The following PTPN13 variants were observed in gnomAD, a reference collection of about 807,000 sequenced individuals.
The protein encoded by PTPN13 is protein tyrosine phosphatase non-receptor type 13.
In PTPN13, 191 loss-of-function variants were observed where a neutral mutation model predicts 284.0. The ratio of observed to expected loss-of-function variants is 0.67; its 90% confidence interval spans 0.60 to 0.76. The LOEUF is 0.76. Among genes scored for constraint, PTPN13 ranks in the 30% least tolerant of loss-of-function variants. The probability of loss-of-function intolerance (pLI) is 0.00; values close to 1 mark genes in which losing one functional copy is unlikely to be tolerated. For synonymous variants in PTPN13, 986 were observed against 1,022.3 expected (o/e 0.96, Z 0.68); for missense variants, 2,797 against 2,939.9 (o/e 0.95, Z 1.12).
intron 10 of PTPN13, 26 bp from the exon 11 acceptor site, chr4:86,732,374 A>G (rs1170063264): frequency 2.0e-6 from 3 of 1,508,758 alleles, no homozygotes; most frequent in African/African-American, 2.8e-5. Context: ...AGTAAAAAAT[A>G]TTGATTCTGC....
intron 9 of PTPN13, among the ~76,000 whole-genome samples, chr4:86,720,890 A>G (rs183404259): frequency 2.6e-5 from 4 of 152,186 alleles, no homozygotes; most frequent in African/African-American, 9.6e-5. Flanking sequence ...ATTTTTTTAT[A>G]CTGAGCTATC....
chr4:86,679,168 A>T (rs996753358), intron 3 of PTPN13, among the ~76,000 whole-genome samples: 2 of 152,102 alleles, frequency 1.3e-5, no homozygotes, highest in African/African-American at 4.8e-5. Context: ...ACCTTTGTGC[A>T]TTCTCTTCTT....
At chr4:86,737,887 C>A (rs1307354953) in intron 15 of PTPN13, among the ~76,000 whole-genome samples, 1 of 152,076 alleles carries the variant, frequency 6.6e-6, no homozygotes, top group African/African-American at 2.4e-5. Context: ...TGCCACCACG[C>A]CTGGCTAATT....
rs1731696989 is a variant in PTPN13 at position 86,705,782 on chromosome 4, T to C, written c.1195+3981T>C. On this transcript the variant is annotated intron_variant, in intron 7 of 47. Coordinates refer to ENST00000411767, the MANE Select transcript of PTPN13 (RefSeq NM_080683.3). ...TTTTGGAGATTGTAGATTTTCATCA[T>C]GGATTTTCAGAATATCAGTCTAAGG... 2.0e-5 allele frequency among the ~76,000 whole-genome samples: 3 copies of C among 151,968 alleles called. No individual in the cohort carries two copies. The South Asian group carries it at 6.2e-4, about 32-fold the overall frequency.
At chr4:86,803,226 ATATT>A (rs1181127476) in intron 42 of PTPN13, among the ~76,000 whole-genome samples, 2 of 150,714 alleles carry the variant, frequency 1.3e-5, no homozygotes, top group African/African-American at 2.4e-5. Context: ...ATATACATAT[ATATT>A]TATTGTGTAT....
At chr4:86,717,553 CTT>C (rs1483865655) in intron 9 of PTPN13, among the ~76,000 whole-genome samples, 1 of 151,946 alleles carries the variant, frequency 6.6e-6, no homozygotes, top group Non-Finnish European at 1.5e-5. Context: ...CCCTAGCTCT[CTT>C]TGTTTTTATA....
At chr4:86,730,779 T>A (rs1021337572) in intron 10 of PTPN13, among the ~76,000 whole-genome samples, 2 of 151,570 alleles carry the variant, frequency 1.3e-5, no homozygotes, top group Non-Finnish European at 3.0e-5. Flanking sequence ...TGATGCCCCG[T>A]CCGGCTTCAG....
At chr4:86,612,163 A>T (rs941715266) in intron 1 of PTPN13, among the ~76,000 whole-genome samples, 36 of 152,332 alleles carry the variant, frequency 2.4e-4, no homozygotes, top group African/African-American at 6.7e-4. Context: ...AGCCTGAGCA[A>T]AACTCAAAAA....
At chr4:86,711,080 C>A (rs1009091447) in intron 7 of PTPN13, among the ~76,000 whole-genome samples, 3 of 128,404 alleles carry the variant, frequency 2.3e-5, no homozygotes, top group Non-Finnish European at 5.1e-5. Context: ...TGTGCCACCA[C>A]ACCTGGTTAA....
intron 3 of PTPN13, among the ~76,000 whole-genome samples, chr4:86,675,869 C>T (rs1295897331): frequency 2.0e-5 from 3 of 152,052 alleles, no homozygotes; most frequent in Non-Finnish European, 4.4e-5. Context: ...GAATCAAGTT[C>T]CTGTTGTGCT....
chr4:86,744,650 C>A (rs932174414), intron 16 of PTPN13, among the ~76,000 whole-genome samples: 1 of 152,140 alleles, frequency 6.6e-6, no homozygotes, highest in African/African-American at 2.4e-5. Context: ...ACTACACAAA[C>A]AATTGCCTAC....
intron 2 of PTPN13, among the ~76,000 whole-genome samples, chr4:86,664,428 TA>T (rs1440308628): frequency 6.6e-6 from 1 of 152,180 alleles, no homozygotes; most frequent in African/African-American, 2.4e-5. Flanking sequence ...CAGCAAAGTC[TA>T]AATTAGTAAG....
intron 6 of PTPN13, among the ~76,000 whole-genome samples, chr4:86,699,481 T>G (rs1242998108): frequency 1.3e-5 from 2 of 152,096 alleles, no homozygotes; most frequent in Admixed American, 6.6e-5. Context: ...CCTGGAGTTA[T>G]GACAACACCA....
Position 86,799,198 on chromosome 4 carries a change from G to A in PTPN13, c.6499G>A (p.Asp2167Asn), listed in dbSNP as rs1315321262. The change falls in exon 42 of 48, where the codon GAT (aspartate) becomes AAT (asparagine). Residue 2167 changes from aspartate to asparagine, a missense_variant. By Grantham distance (23) the Asp-to-Asn change is conservative. Transcript: ENST00000411767. ...AGAGAGAACAAACCATGAAGATTCT[G>A]ATAAAGGCAAGAATTTTAATGACAG... ...PIERTNHEDS[D>N]KDHSFLTNDE... The A allele has an allele frequency of 4.6e-6, 7 of 1,529,140 alleles. No individual in the cohort carries two copies. Among genetic ancestry groups the A allele is most frequent in the Non-Finnish European group, 6.2e-6 (7 of 1,137,924 alleles). The allele number at this position is 1,529,140 out of a possible 1,614,324, so 94.7% of individuals were successfully genotyped here.
chr4:86,800,340 TA>T (rs1310820942), intron 42 of PTPN13, among the ~76,000 whole-genome samples: 13 of 150,228 alleles, frequency 8.7e-5, no homozygotes, highest in Non-Finnish European at 1.6e-4. Flanking sequence ...AAGCAAAGTC[TA>T]TTTTTTTTTT....
chr4:86,680,395 A>G (rs558717955), intron 3 of PTPN13, among the ~76,000 whole-genome samples: 4 of 135,310 alleles, frequency 3.0e-5, no homozygotes, highest in Admixed American at 8.1e-5. Flanking sequence ...CTATCTATCT[A>G]TCTATCTCTA....
chr4:86,602,461 A>G (rs1010960911), intron 1 of PTPN13, among the ~76,000 whole-genome samples: 1 of 151,300 alleles, frequency 6.6e-6, no homozygotes, highest in Admixed American at 6.6e-5. Flanking sequence ...TATTTTTAGT[A>G]TACTTATATT....
chr4:86,772,788 C>A lies in PTPN13; in HGVS notation c.5179C>A (p.Pro1727Thr). Residue 1727 changes from proline (P) to threonine (T), a missense_variant, in exon 32 of 48, where the codon CCT (proline) becomes ACT (threonine). Transcript: ENST00000411767. The part of the protein sequence containing the change: ...KPEFEDSNPS[P>T]LPPDMAPGQS... ...TCTTTGTCTCTGTAGTAATCCTTCC[C>A]CTCTACCACCGGATATGGCTCCTGG... The A allele has an allele frequency of 8.1e-6, 13 of 1,602,462 alleles. No homozygotes were observed. The highest frequency in any genetic ancestry group is 1.1e-5 in the Non-Finnish European group (13 of 1,176,064).
chr4:86,795,880 G>A (rs984444764), intron 40 of PTPN13, among the ~76,000 whole-genome samples: 4 of 152,034 alleles, frequency 2.6e-5, no homozygotes, highest in Non-Finnish European at 5.9e-5. Context: ...CACACACCAG[G>A]GCCTTTTGGG....
Sources: allele counts gnomAD v4.1 joint callset (sites outside exome capture counted in the v4.1 genomes callset), GRCh38; gene constraint gnomAD v4.1.1; transcripts MANE v1.5; gene names NCBI Gene and HGNC (gene_info 2026-07-23, HGNC 2026-07-21).